Variants in PCOLCE observed in about 807,000 individuals in gnomAD.
PCOLCE encodes the protein procollagen C-endopeptidase enhancer 1.
PCOLCE carries 33 observed loss-of-function variants against 47.2 expected under a neutral mutation model. The ratio of observed to expected loss-of-function variants is 0.70; its 90% confidence interval spans 0.53 to 0.93. PCOLCE has a LOEUF of 0.93. PCOLCE is among the 40% of genes least tolerant of loss of function. The probability of loss-of-function intolerance (pLI) is 0.00; values close to 1 mark genes in which losing one functional copy is unlikely to be tolerated. For missense variants in PCOLCE, 584 were observed against 585.3 expected, an observed-to-expected ratio of 1.00 and a Z score of 0.02; for synonymous variants, 254 against 252.5, an observed-to-expected ratio of 1.01 and a Z score of -0.06.
Position 100,605,596 on chromosome 7 carries a change from C to A in PCOLCE, c.589-80C>A. 1 of 1,496,326 alleles carries A rather than the reference C, an allele frequency of 6.7e-7. No homozygotes were observed. The highest frequency in any genetic ancestry group is 1.3e-5 in the South Asian group (1 of 78,220). The allele number at this position is 1,496,326 out of a possible 1,614,324, so 92.7% of individuals were successfully genotyped here. On this transcript the variant is annotated intron_variant, in intron 4 of 8. Coordinates refer to ENST00000223061, the MANE Select transcript of PCOLCE (RefSeq NM_002593.4). The surrounding 1 kb of genome is among the most constrained non-coding windows in gnomAD (Gnocchi z 6.1). ...ACGCGGGAGGTGGGAGTGGGAGCTG[C>A]TGCAGGCACCCAGTAGGAGATGAGG...
At position 100,606,415 on chromosome 7, in the gene PCOLCE, G is replaced by T. The variant is rs1210465267; in HGVS notation, c.726-1G>T. On this transcript the variant is annotated splice_acceptor_variant, in intron 5 of 8. Transcript: ENST00000223061. LOFTEE classifies it high-confidence loss of function. ...CCCCAATGCTCGGTGGCCACCTGCAGCTCCATCTCCTCCGAAGGGAATGAA... is the reference window on the plus strand; with the variant it reads ...CCCCAATGCTCGGTGGCCACCTGCATCTCCATCTCCTCCGAAGGGAATGAA... 1 of 1,612,672 alleles carries T rather than the reference G, an allele frequency of 6.2e-7. No homozygotes were observed.
chr7:100,603,986 T>G lies in PCOLCE; in HGVS notation c.232T>G (p.Ser78Ala), dbSNP rs1279567405. 1 of 1,602,940 alleles carries G rather than the reference T, an allele frequency of 6.2e-7. No homozygotes were observed. Among genetic ancestry groups the G allele is most frequent in the Non-Finnish European group, 8.5e-7 (1 of 1,179,918 alleles). Residue 78 changes from serine (S) to alanine (A), a missense_variant, in exon 3 of 9, where the codon TCA (serine) becomes GCA (alanine). Transcript: ENST00000223061. ...CCCCGAGGGCCAGACTGTGTCCCTC[T>G]CATTCCGAGTCTTCGACCTGGAGCT... ...TVPEGQTVSLSFRVFDLELHP... is the reference protein window; with the variant it reads ...TVPEGQTVSLAFRVFDLELHP...
intron 1 of PCOLCE, chr7:100,603,049 C>T (rs930528700): frequency 2.4e-5 from 6 of 248,250 alleles, no homozygotes; most frequent in Non-Finnish European, 4.6e-5. Context: ...CCCCCTCCCC[C>T]CCACCGCCTC....
Position 100,607,515 on chromosome 7 carries a change from G to C in PCOLCE, c.1004G>C (p.Ser335Thr). The C allele has an allele frequency of 6.2e-7, 1 of 1,614,078 alleles. No homozygotes were observed. Among genetic ancestry groups the C allele is most frequent in the South Asian group, 1.1e-5 (1 of 91,078 alleles). Residue 335 changes from serine to threonine, a missense_variant, in exon 7 of 9, where the codon AGC becomes ACC. Ser to Thr is a moderately conservative substitution (Grantham distance 58). Transcript: ENST00000223061. ...TGTLQSNFCASSLVVTATVKS... is the reference protein window; with the variant it reads ...TGTLQSNFCATSLVVTATVKS... ...ACCTTGCAGAGCAACTTCTGTGCCAGCAGCCTTGGTAAGAATACCCCCAAC... is the reference window on the plus strand; with the variant it reads ...ACCTTGCAGAGCAACTTCTGTGCCACCAGCCTTGGTAAGAATACCCCCAAC...
At chr7:100,606,223 C>T (rs562136319) in intron 5 of PCOLCE, 193 bp from the exon 6 acceptor site, 10 of 565,554 alleles carry the variant, frequency 1.8e-5, no homozygotes, top group African/African-American at 1.7e-4. Flanking sequence ...CAGCAACTTG[C>T]GGGGCTGAGG....
Position 100,604,327 on chromosome 7 carries a change from GC to G in PCOLCE, c.463+115del. On this transcript the variant is annotated intron_variant, in intron 3 of 8. Coordinates refer to ENST00000223061, the MANE Select transcript of PCOLCE (RefSeq NM_002593.4). This position sits in a 1 kb window ranked among gnomAD's most constrained non-coding sequence, Gnocchi z 6.4. ...CCCACCCCGCGCCCCAGTGCCTAGG[GC>G]CCCCTACCTCCCTGACCCATTTTCC... The G allele has an allele frequency of 1.0e-6, 1 of 979,160 alleles. No individual in the cohort carries two copies. The highest frequency in any genetic ancestry group is 1.6e-5 in the African/African-American group (1 of 61,496). The allele number at this position is 979,160 out of a possible 1,614,324, so 60.7% of individuals were successfully genotyped here.
chr7:100,604,230 T>A lies in PCOLCE; in HGVS notation c.463+13T>A. The A allele has an allele frequency of 1.9e-6, 3 of 1,603,542 alleles. No individual in the cohort carries two copies. The highest frequency in any genetic ancestry group is 2.5e-6 in the Non-Finnish European group (3 of 1,177,146). ...ACCTCGGGCACTGGTGAGAACTCCC[T>A]CACCTCCGCCTTCCCCCCCTCCAGG... On this transcript the variant is annotated intron_variant, in intron 3 of 8. Coordinates refer to ENST00000223061, the MANE Select transcript of PCOLCE (RefSeq NM_002593.4). The surrounding 1 kb of genome is among the most constrained non-coding windows in gnomAD (Gnocchi z 6.4).
intron 6 of PCOLCE, among the ~76,000 whole-genome samples, chr7:100,607,117 C>T (rs1468412068): frequency 7.1e-6 from 1 of 141,334 alleles, no homozygotes; most frequent in Non-Finnish European, 1.5e-5. Flanking sequence ...CTTAGCCAGG[C>T]GTGTGGTCAT....
At position 100,604,321 on chromosome 7, in the gene PCOLCE, C is replaced by A; in HGVS notation, c.463+104C>A. 9.9e-7 allele frequency: 1 copy of A among 1,007,434 alleles called. No homozygotes were observed. The highest frequency in any genetic ancestry group is 2.4e-5 in the Admixed American group (1 of 41,764). 62.4% of individuals were successfully genotyped at this position (1,007,434 alleles called of 1,614,324 possible). A position where few individuals can be genotyped will look rare whatever the true frequency, so the allele number is the denominator to read the frequency against. ...GCCCCGCCCACCCCGCGCCCCAGTGCCTAGGGCCCCCTACCTCCCTGACCC... is the reference window on the plus strand; with the variant it reads ...GCCCCGCCCACCCCGCGCCCCAGTGACTAGGGCCCCCTACCTCCCTGACCC... On this transcript the variant is annotated intron_variant, in intron 3 of 8. Coordinates refer to ENST00000223061, the MANE Select transcript of PCOLCE (RefSeq NM_002593.4). The surrounding 1 kb of genome is among the most constrained non-coding windows in gnomAD (Gnocchi z 6.4).
At chr7:100,603,820 C>CTGGTCTCTGCAG in intron 2 of PCOLCE, 139 bp from the exon 3 acceptor site, 1 of 939,514 alleles carries the variant, frequency 1.1e-6, no homozygotes, top group Non-Finnish European at 1.6e-6. Context: ...GAGACCAGGC[C>CTGGTCTCTGCAG]CTCTGCTCTG....
chr7:100,605,952 CCAGG>C lies in PCOLCE; in HGVS notation c.725+143_725+146del, dbSNP rs1802708970. ...ACCGGCGAGGGGAGCAGGTTGGAGGCCAGGCAAAGAGGAGATTTGGCCCCGGGTC... is the reference window on the plus strand; with the variant it reads ...ACCGGCGAGGGGAGCAGGTTGGAGGCCAAAGAGGAGATTTGGCCCCGGGTC... On this transcript the variant is annotated intron_variant, in intron 5 of 8. Transcript: ENST00000223061. The surrounding 1 kb of genome is among the most constrained non-coding windows in gnomAD (Gnocchi z 6.1). The C allele has an allele frequency of 2.0e-6, 2 of 984,054 alleles. No individual in the cohort carries two copies. The highest frequency in any genetic ancestry group is 5.6e-5 in the Admixed American group (2 of 35,416). 61.0% of individuals were successfully genotyped at this position (984,054 alleles called of 1,614,324 possible). A position where few individuals can be genotyped will look rare whatever the true frequency, so the allele number is the denominator to read the frequency against.
Position 100,605,429 on chromosome 7 carries a change from T to C in PCOLCE, c.588+214T>C, listed in dbSNP as rs1041237616. ...AGGAGAGCGAGGTACAGGGTCCTGG[T>C]ATAACACGCGGGCCTGTCACTTGTG... On this transcript the variant is annotated intron_variant, in intron 4 of 8. Coordinates refer to ENST00000223061, the MANE Select transcript of PCOLCE (RefSeq NM_002593.4). The surrounding 1 kb of genome is among the most constrained non-coding windows in gnomAD (Gnocchi z 6.1). 1.5e-5 allele frequency: 10 copies of C among 656,470 alleles called. No homozygotes were observed. The highest frequency in any genetic ancestry group is 2.6e-5 in the Non-Finnish European group (10 of 387,452). The allele number at this position is 656,470 out of a possible 1,614,324, so 40.7% of individuals were successfully genotyped here.
At chr7:100,606,344 G>A in intron 5 of PCOLCE, 72 bp from the exon 6 acceptor site, 2 of 1,081,830 alleles carry the variant, frequency 1.8e-6, no homozygotes. Flanking sequence ...AACAAAAAAG[G>A]TCATGGGGCT....
In PCOLCE at chr7:100,604,136, A is replaced by G. The variant is rs1437708625; in HGVS notation, c.382A>G (p.Thr128Ala). 6.2e-7 allele frequency: 1 copy of G among 1,612,878 alleles called. No individual in the cohort carries two copies. Among genetic ancestry groups the G allele is most frequent in the South Asian group, 1.1e-5 (1 of 91,062 alleles). ...APLVAPGNQV[T>A]LRMTTDEGTG... ...CCTAGTCGCCCCCGGCAACCAGGTG[A>G]CCCTGAGGATGACGACGGATGAGGG... Residue 128 changes from threonine to alanine, a missense_variant, in exon 3 of 9, where the codon ACC becomes GCC. Coordinates refer to ENST00000223061, the MANE Select transcript of PCOLCE (RefSeq NM_002593.4). This position sits in a 1 kb window ranked among gnomAD's most constrained non-coding sequence, Gnocchi z 6.4.
chr7:100,604,007 G>A lies in PCOLCE; in HGVS notation c.253G>A (p.Glu85Lys). The A allele has an allele frequency of 6.2e-7, 1 of 1,604,568 alleles. No homozygotes were observed. The highest frequency in any genetic ancestry group is 8.5e-7 in the Non-Finnish European group (1 of 1,179,954). The change falls in exon 3 of 9, where the codon GAG becomes AAG. Residue 85 changes from glutamate to lysine, a missense_variant. Glu to Lys is a moderately conservative substitution (Grantham distance 56). Transcript: ENST00000223061. This position sits in a 1 kb window ranked among gnomAD's most constrained non-coding sequence, Gnocchi z 6.4. Reference protein sequence around the residue: ...VSLSFRVFDLELHPACRYDAL... With the variant: ...VSLSFRVFDLKLHPACRYDAL... ...CCTCTCATTCCGAGTCTTCGACCTG[G>A]AGCTGCACCCCGCCTGCCGCTACGA...
At chr7:100,607,370 G>T (rs1584442434) in intron 6 of PCOLCE, 82 bp from the exon 7 acceptor site, 2 of 1,148,996 alleles carry the variant, frequency 1.7e-6, no homozygotes, top group South Asian at 2.6e-5. Flanking sequence ...GCTCTGAACA[G>T]TTCAAGTCAA....
Position 100,605,584 on chromosome 7 carries a change from G to A in PCOLCE, c.589-92G>A, listed in dbSNP as rs1802699458. On this transcript the variant is annotated intron_variant, in intron 4 of 8. Coordinates refer to ENST00000223061, the MANE Select transcript of PCOLCE (RefSeq NM_002593.4). The surrounding 1 kb of genome is among the most constrained non-coding windows in gnomAD (Gnocchi z 6.1). ...GGGGCCCAGAGGACGCGGGAGGTGGGAGTGGGAGCTGCTGCAGGCACCCAG... is the reference window on the plus strand; with the variant it reads ...GGGGCCCAGAGGACGCGGGAGGTGGAAGTGGGAGCTGCTGCAGGCACCCAG... 6.9e-7 allele frequency: 1 copy of A among 1,448,716 alleles called. No homozygotes were observed. The highest frequency in any genetic ancestry group is 1.3e-5 in the South Asian group (1 of 75,212). 89.7% of individuals were successfully genotyped at this position (1,448,716 alleles called of 1,614,324 possible).
chr7:100,605,187 C>G lies in PCOLCE; in HGVS notation c.560C>G (p.Ser187Cys). Reference sequence around the variant, plus strand: ...GATTACCCCCCGGGCATCAGCTGTTCCTGGCACATCATCGCGCCCCCGGAC... The same window carrying G: ...GATTACCCCCCGGGCATCAGCTGTTGCTGGCACATCATCGCGCCCCCGGAC... ...ESDYPPGISC[S>C]WHIIAPPDQV... The change falls in exon 4 of 9, where the codon TCC (serine) becomes TGC (cysteine). Residue 187 changes from serine to cysteine, a missense_variant. By Grantham distance (112) the Ser-to-Cys change is moderately radical. Transcript: ENST00000223061. This position sits in a 1 kb window ranked among gnomAD's most constrained non-coding sequence, Gnocchi z 6.1. 6.2e-7 allele frequency: 1 copy of G among 1,612,750 alleles called. No individual in the cohort carries two copies.
intron 6 of PCOLCE, among the ~76,000 whole-genome samples, chr7:100,607,090 C>CAAAAAAAAAAAAAAAAA (rs559618495): frequency 5.7e-5 from 6 of 105,258 alleles, no homozygotes; most frequent in African/African-American, 1.9e-4. Flanking sequence ...GATTCTGTCT[C>CAAAAAAAAAAAAAAAAA]AAAAAAAAAA....
Sources: gnomAD v4.1 joint callset for allele counts (sites outside exome capture counted in the v4.1 genomes callset) on GRCh38, gnomAD v4.1.1 for gene constraint, Gnocchi (gnomAD v3.1) non-coding constraint, MANE v1.5 for transcripts, NCBI Gene and HGNC (gene_info 2026-07-23, HGNC 2026-07-21) for gene names.